Variants in MEIS2 observed in about 807,000 individuals in gnomAD.
MEIS2 encodes the protein homeobox protein Meis2.
A neutral mutation model predicts 58.6 loss-of-function variants in MEIS2; 9 were observed. That is an observed-to-expected ratio of 0.15 (90% CI 0.09 to 0.27). The LOEUF is 0.27. MEIS2 is among the 10% of genes least tolerant of loss of function. MEIS2 has a pLI of 1.00. For missense variants in MEIS2, 427 were observed against 635.0 expected, an observed-to-expected ratio of 0.67 and a Z score of 3.52; for synonymous variants, 221 against 228.4, an observed-to-expected ratio of 0.97 and a Z score of 0.29.
intron 8 of MEIS2, among the ~76,000 whole-genome samples, chr15:36,969,436 C>A (rs2059459815): frequency 6.6e-6 from 1 of 152,208 alleles, no homozygotes; most frequent in African/African-American, 2.4e-5. Context: ...TCCTTTTCTT[C>A]AAACACGAAA....
chr15:36,977,666 C>T (rs1280303137), intron 8 of MEIS2, among the ~76,000 whole-genome samples: 1 of 152,118 alleles, frequency 6.6e-6, no homozygotes, highest in Non-Finnish European at 1.5e-5. Context: ...CACAAAAGGT[C>T]CAATGTGTTA....
At chr15:37,033,248 C>T (rs545464646) in intron 8 of MEIS2, among the ~76,000 whole-genome samples, 2 of 151,974 alleles carry the variant, frequency 1.3e-5, no homozygotes, top group African/African-American at 4.8e-5. Flanking sequence ...TTGCTCCACG[C>T]TGGTTGGGTG....
chr15:36,956,848 C>A (rs2058994590), intron 8 of MEIS2, among the ~76,000 whole-genome samples: 3 of 131,922 alleles, frequency 2.3e-5, no homozygotes, highest in Non-Finnish European at 3.1e-5. Context: ...GGACCTTTTT[C>A]AGTTTATTCC....
chr15:37,020,748 A>G (rs2061498160), intron 8 of MEIS2, among the ~76,000 whole-genome samples: 1 of 147,050 alleles, frequency 6.8e-6, no homozygotes, highest in African/African-American at 2.5e-5. Flanking sequence ...TGGCTGTGTT[A>G]TGGGGGAAAA....
At position 36,982,642 on chromosome 15, in the gene MEIS2, A is replaced by G. The variant is rs191941794; in HGVS notation, c.901-32242T>C. ...ATGCAGATATTTCTTTGACATACTGATTTCATTTCCTTTGGATATATTCCC... is the reference window on the plus strand; with the variant it reads ...ATGCAGATATTTCTTTGACATACTGGTTTCATTTCCTTTGGATATATTCCC... On this transcript the variant is annotated intron_variant, in intron 8 of 11. Coordinates refer to ENST00000561208, the MANE Select transcript of MEIS2 (RefSeq NM_170675.5). 1.2e-4 allele frequency among the ~76,000 whole-genome samples: 18 copies of G among 152,292 alleles called. No homozygotes were observed. In the East Asian group the frequency reaches 3.5e-3, roughly 29 times the overall value.
At chr15:37,066,729 A>C (rs1596057465) in intron 7 of MEIS2, among the ~76,000 whole-genome samples, 1 of 152,238 alleles carries the variant, frequency 6.6e-6, no homozygotes, top group African/African-American at 2.4e-5. Context: ...TCACACAGAA[A>C]TGTGAGTCCA....
intron 8 of MEIS2, among the ~76,000 whole-genome samples, chr15:36,963,352 C>T (rs55690905): frequency 0.44 from 65,717 of 150,926 alleles, 14,771 homozygotes; most frequent in East Asian, 0.63. Flanking sequence ...TGCACTCCAG[C>T]CCGGGTGACA....
At chr15:37,098,820 C>G in intron 1 of MEIS2, 1 of 716,950 alleles carries the variant, frequency 1.4e-6, no homozygotes, top group Non-Finnish European at 1.7e-6. Flanking sequence ...ACGAGAACGC[C>G]GAGGACTAGG....
At position 37,093,710 on chromosome 15, in the gene MEIS2, G is replaced by A; in HGVS notation, c.510C>T (p.Asn170=). 1 of 1,614,194 alleles carries A rather than the reference G, an allele frequency of 6.2e-7. No homozygotes were observed. Among genetic ancestry groups the A allele is most frequent in the Non-Finnish European group, 8.5e-7 (1 of 1,180,040 alleles). Residue 170 remains asparagine (N), a synonymous_variant, in exon 6 of 12, where the codon AAC becomes AAT. Coordinates refer to ENST00000561208, the MANE Select transcript of MEIS2 (RefSeq NM_170675.5). ...AACAGCTAATGTATCGGTGGCAGAA[G>A]TTATCGCACAGTTCGTGGACCTAGA... is the stretch of plus-strand genomic sequence containing the variant. ...ELEKVHELCD[N]FCHRYISCLK... is the part of the protein sequence containing the mutation.
At chr15:36,992,885 A>C (rs893961798) in intron 8 of MEIS2, among the ~76,000 whole-genome samples, 1 of 152,200 alleles carries the variant, frequency 6.6e-6, no homozygotes, top group Non-Finnish European at 1.5e-5. Flanking sequence ...AAATAATCAA[A>C]AGGTAATCAT....
chr15:37,051,112 G>T (rs1325468650), intron 7 of MEIS2, among the ~76,000 whole-genome samples: 2 of 152,168 alleles, frequency 1.3e-5, no homozygotes, highest in Non-Finnish European at 2.9e-5. Context: ...TGTACCCAAT[G>T]CTTTATACTT....
At chr15:37,006,922 T>C (rs987673202) in intron 8 of MEIS2, among the ~76,000 whole-genome samples, 1 of 152,206 alleles carries the variant, frequency 6.6e-6, no homozygotes, top group African/African-American at 2.4e-5. Context: ...TAAATATATA[T>C]GAAAAGACTA....
intron 8 of MEIS2, among the ~76,000 whole-genome samples, chr15:36,992,201 C>T (rs2060321025): frequency 6.6e-6 from 1 of 151,976 alleles, no homozygotes. Context: ...ATTAACTCTG[C>T]TTGGATAAAT....
chr15:37,094,046 A>T (rs975175054), intron 5 of MEIS2: 3 of 340,866 alleles, frequency 8.8e-6, no homozygotes, highest in Admixed American at 4.2e-5. Flanking sequence ...TGATAATAAC[A>T]TCAAAACATT....
At chr15:37,018,449 T>A (rs958113961) in intron 8 of MEIS2, among the ~76,000 whole-genome samples, 2 of 152,248 alleles carry the variant, frequency 1.3e-5, no homozygotes, top group Non-Finnish European at 2.9e-5. Context: ...AACTTCAATC[T>A]ATCAGGCTTA....
intron 8 of MEIS2, among the ~76,000 whole-genome samples, chr15:37,035,190 C>A (rs948487077): frequency 6.6e-6 from 1 of 152,190 alleles, no homozygotes; most frequent in Non-Finnish European, 1.5e-5. Context: ...GCTACTCTAA[C>A]CAAACAAACC....
chr15:37,036,042 A>C (rs2062136983), intron 8 of MEIS2, among the ~76,000 whole-genome samples: 1 of 152,168 alleles, frequency 6.6e-6, no homozygotes, highest in Non-Finnish European at 1.5e-5. Context: ...AAGCATGCCT[A>C]GTTTATCTGT....
At chr15:36,984,470 T>C (rs2060031933) in intron 8 of MEIS2, among the ~76,000 whole-genome samples, 1 of 152,144 alleles carries the variant, frequency 6.6e-6, no homozygotes, top group Non-Finnish European at 1.5e-5. Flanking sequence ...ATCCTTTCAA[T>C]GTGCTGTTCA....
chr15:36,921,499 C>T (rs560342978), intron 9 of MEIS2, among the ~76,000 whole-genome samples: 24 of 152,244 alleles, frequency 1.6e-4, no homozygotes, highest in African/African-American at 5.1e-4. Context: ...AACACCAAAG[C>T]GCTTAGTAGT....
Sources: allele counts gnomAD v4.1 joint callset (sites outside exome capture counted in the v4.1 genomes callset), GRCh38; gene constraint gnomAD v4.1.1; transcripts MANE v1.5; gene names NCBI Gene and HGNC (gene_info 2026-07-23, HGNC 2026-07-21).